Variants in SYNC observed in about 807,000 individuals in gnomAD.
The protein encoded by SYNC is syncoilin.
Under a neutral mutation model 49.5 loss-of-function variants are expected in SYNC, and 38 were observed. That is an observed-to-expected ratio of 0.77 (90% confidence interval 0.59 to 1.01). The LOEUF (loss-of-function observed/expected upper bound fraction) is 1.01, where lower values mean the gene tolerates loss of function less well. SYNC is among the 50% of genes least tolerant of loss of function. SYNC has a pLI of 0.00. For missense variants in SYNC, 579 were observed against 580.6 expected, an observed-to-expected ratio of 1.00 and a Z score of 0.03; for synonymous variants, 201 against 230.8, an observed-to-expected ratio of 0.87 and a Z score of 1.17.
At position 32,695,830 on chromosome 1, in the gene SYNC, G is replaced by T. The variant is rs753452112; in HGVS notation, c.268C>A (p.Gln90Lys). The change falls in exon 2 of 5, where the codon CAG becomes AAG. Residue 90 changes from glutamine to lysine, a missense_variant. Coordinates refer to ENST00000409190, the MANE Select transcript of SYNC (RefSeq NM_030786.3). Reference protein sequence around the residue: ...EEALYIEEAMQPDEALHVEEP... With the variant: ...EEALYIEEAMKPDEALHVEEP... ...TCCACATGCAGAGCCTCATCTGGCTGCATGGCCTCCTCAATATACAGGGCC... is the reference window on the plus strand; with the variant it reads ...TCCACATGCAGAGCCTCATCTGGCTTCATGGCCTCCTCAATATACAGGGCC... 32 of 1,551,862 alleles carry T rather than the reference G, an allele frequency of 2.1e-5. No individual in the cohort carries two copies. In the East Asian group the frequency reaches 6.6e-4, roughly 32 times the overall value.
chr1:32,680,072 G>A lies in SYNC; in HGVS notation c.*1778C>T, dbSNP rs1360509561. The stretch of plus-strand genomic sequence containing the variant: ...AGGAATAGAGCCAAATGAGGTAGGT[G>A]TCTGAGCCATGAAGTATAAATACTG... On this transcript the variant is annotated 3_prime_UTR_variant, in exon 5 of 5. Coordinates refer to ENST00000409190, the MANE Select transcript of SYNC (RefSeq NM_030786.3). 2.4e-5 allele frequency: 26 copies of A among 1,073,464 alleles called. No homozygotes were observed. The highest frequency in any genetic ancestry group is 2.9e-5 in the Non-Finnish European group (26 of 888,260). The allele number at this position is 1,073,464 out of a possible 1,614,324, so 66.5% of individuals were successfully genotyped here. A position where few individuals can be genotyped will look rare whatever the true frequency, so the allele number is the denominator to read the frequency against.
intron 2 of SYNC, among the ~76,000 whole-genome samples, chr1:32,688,939 A>AC (rs1339923387): frequency 1.4e-5 from 2 of 141,950 alleles, no homozygotes; most frequent in Non-Finnish European, 3.0e-5. Flanking sequence ...ACACACACAC[A>AC]CTTTTTTTTT....
In SYNC at chr1:32,684,277, C is replaced by T. The variant is rs1376830599; in HGVS notation, c.1339G>A (p.Glu447Lys). 5.0e-6 allele frequency: 8 copies of T among 1,614,050 alleles called. No individual in the cohort carries two copies. The highest frequency in any genetic ancestry group is 6.8e-6 in the Non-Finnish European group (8 of 1,180,042). The change falls in exon 3 of 5, where the codon GAA (glutamate) becomes AAA (lysine). Residue 447 changes from glutamate to lysine, a missense_variant. Transcript: ENST00000409190. ...ACTGACTTATAAGTAGAGAGCTCTT[C>T]AGCAAGACTGAGCCTTAGCTGTTCC... ...EMEQLRLSLAEELSTYKAMLL... is the reference protein window; with the variant it reads ...EMEQLRLSLAKELSTYKAMLL...
chr1:32,682,694 C>T (rs1424690483), intron 4 of SYNC: 1 of 151,832 alleles, frequency 6.6e-6, no homozygotes, highest in Non-Finnish European at 1.5e-5. Flanking sequence ...TCACTTGAAC[C>T]CAGGAGGTGG....
chr1:32,686,282 A>G (rs1348988888), intron 2 of SYNC: 1 of 152,180 alleles, frequency 6.6e-6, no homozygotes, highest in African/African-American at 2.4e-5. Flanking sequence ...GCTTGCAGTG[A>G]TAGACAGCAC....
chr1:32,693,621 T>A (rs1248586466), intron 2 of SYNC, among the ~76,000 whole-genome samples: 1 of 152,196 alleles, frequency 6.6e-6, no homozygotes, highest in Non-Finnish European at 1.5e-5. Flanking sequence ...GAGCCTTGAG[T>A]AGCAGAGAGT....
intron 2 of SYNC, among the ~76,000 whole-genome samples, chr1:32,693,157 A>G (rs1167802681): frequency 6.7e-6 from 1 of 149,072 alleles, no homozygotes; most frequent in Non-Finnish European, 1.5e-5. Context: ...ATCTCAGCTC[A>G]CTGCAACCTC....
At chr1:32,689,143 G>C (rs551835704) in intron 2 of SYNC, among the ~76,000 whole-genome samples, 3 of 146,294 alleles carry the variant, frequency 2.1e-5, no homozygotes, top group African/African-American at 7.5e-5. Flanking sequence ...GTTTCACCAT[G>C]TTGGCCAGGA....
chr1:32,693,574 C>T (rs1390634365), intron 2 of SYNC, among the ~76,000 whole-genome samples: 1 of 152,236 alleles, frequency 6.6e-6, no homozygotes, highest in Non-Finnish European at 1.5e-5. Context: ...CACCACACTA[C>T]AGTCTTCTCA....
At chr1:32,687,861 A>ATTATTATTATTATTT (rs1280120903) in intron 2 of SYNC, among the ~76,000 whole-genome samples, 8 of 146,440 alleles carry the variant, frequency 5.5e-5, no homozygotes, top group African/African-American at 2.0e-4. Context: ...TATTATTATT[A>ATTATTATTATTATTT]TTTTTTGAGA....
At chr1:32,688,962 C>T (rs928883021) in intron 2 of SYNC, among the ~76,000 whole-genome samples, 2 of 150,596 alleles carry the variant, frequency 1.3e-5, no homozygotes, top group African/African-American at 4.9e-5. Context: ...TTTTCTGAGA[C>T]GGAGTCTTGC....
In SYNC at chr1:32,695,673, G is replaced by A. The variant is rs1304530115; in HGVS notation, c.425C>T (p.Thr142Ile). 3.9e-6 allele frequency: 6 copies of A among 1,551,448 alleles called. No homozygotes were observed. The African/African-American group carries it at 8.2e-5, about 21-fold the overall frequency. ...SPEHVVYEGE[T>I]VTRAEKSNPE... ...GTTAGATTTCTCCGCCCTTGTGACT[G>A]TCTCTCCCTCATAAACAACGTGCTC... is the stretch of plus-strand genomic sequence containing the variant. The change falls in exon 2 of 5, where the codon ACA becomes ATA. Residue 142 changes from threonine to isoleucine, a missense_variant. Physicochemically the swap from Thr to Ile is moderately conservative, Grantham distance 89. Coordinates refer to ENST00000409190, the MANE Select transcript of SYNC (RefSeq NM_030786.3).
At chr1:32,690,622 T>G (rs1650111494) in intron 2 of SYNC, among the ~76,000 whole-genome samples, 1 of 138,740 alleles carries the variant, frequency 7.2e-6, no homozygotes, top group South Asian at 2.2e-4. Context: ...CTAGCCTGAG[T>G]GACAGAGCAA....
chr1:32,691,735 T>C (rs1316612923), intron 2 of SYNC, among the ~76,000 whole-genome samples: 2 of 152,168 alleles, frequency 1.3e-5, no homozygotes, highest in Non-Finnish European at 2.9e-5. Flanking sequence ...ACCTATATCT[T>C]TTCTCCCCTG....
chr1:32,698,314 C>T (rs1221266581), intron 1 of SYNC, among the ~76,000 whole-genome samples: 5 of 151,078 alleles, frequency 3.3e-5, no homozygotes, highest in Admixed American at 2.0e-4. Flanking sequence ...GTCAGGAGAT[C>T]GAGACCATAC....
intron 2 of SYNC, among the ~76,000 whole-genome samples, chr1:32,689,397 C>A (rs1482692841): frequency 2.0e-5 from 3 of 151,430 alleles, no homozygotes; most frequent in Non-Finnish European, 4.4e-5. Context: ...TACCACCATG[C>A]CTGGCTAATT....
At position 32,681,763 on chromosome 1, in the gene SYNC, T is replaced by A. The variant is rs748978544; in HGVS notation, c.*87A>T. The A allele has an allele frequency of 6.2e-7, 1 of 1,609,628 alleles. No homozygotes were observed. The highest frequency in any genetic ancestry group is 1.7e-5 in the Admixed American group (1 of 59,920). Reference sequence around the variant, plus strand: ...CCAAGTTTCTGGCACTCTTGTCTGGTTGGAAGAGTACATCCAAAGGGTACT... The same window carrying A: ...CCAAGTTTCTGGCACTCTTGTCTGGATGGAAGAGTACATCCAAAGGGTACT... On this transcript the variant is annotated 3_prime_UTR_variant, in exon 5 of 5. Transcript: ENST00000409190.
Position 32,695,547 on chromosome 1 carries a change from T to G in SYNC, c.551A>C (p.Gln184Pro). 1 of 1,551,460 alleles carries G rather than the reference T, an allele frequency of 6.4e-7. No individual in the cohort carries two copies. The highest frequency in any genetic ancestry group is 8.7e-7 in the Non-Finnish European group (1 of 1,146,954). ...CTCCTCTTCCAGCTGGGCCACAGCT[T>G]GGACACACTGCTGGAAACGCCCCTC... ...LLEGRFQQCV[Q>P]AVAQLEEERD... is the part of the protein sequence containing the mutation. Residue 184 changes from glutamine to proline, a missense_variant, in exon 2 of 5, where the codon CAA (glutamine) becomes CCA (proline). Coordinates refer to ENST00000409190, the MANE Select transcript of SYNC (RefSeq NM_030786.3).
intron 2 of SYNC, among the ~76,000 whole-genome samples, chr1:32,687,444 A>AGGCG (rs1348680496): frequency 2.0e-5 from 3 of 151,976 alleles, no homozygotes; most frequent in African/African-American, 7.3e-5. Flanking sequence ...TGGGAGGCCA[A>AGGCG]GGTGGATCAC....
Sources: allele counts gnomAD v4.1 joint callset (sites outside exome capture counted in the v4.1 genomes callset), GRCh38; gene constraint gnomAD v4.1.1; transcripts MANE v1.5; gene names NCBI Gene and HGNC (gene_info 2026-07-23, HGNC 2026-07-21).